Variants in SNX29 observed in about 807,000 individuals in gnomAD.
SNX29 encodes the protein sorting nexin-29.
SNX29 carries 78 observed loss-of-function variants against 102.1 expected under a neutral mutation model. That is an observed-to-expected ratio of 0.76 (90% CI 0.64 to 0.92). The LOEUF (loss-of-function observed/expected upper bound fraction) is 0.92, where lower values mean the gene tolerates loss of function less well. Ranked by LOEUF, SNX29 falls within the 40% of genes least tolerant of loss-of-function variation. The pLI is 0.00. For synonymous variants in SNX29, 580 were observed against 414.5 expected, an observed-to-expected ratio of 1.40 and a Z score of -4.85; for missense variants, 1,280 against 1,061.7, an observed-to-expected ratio of 1.21 and a Z score of -2.86.
chr16:12,382,298 G>A (rs975181484), intron 16 of SNX29, among the ~76,000 whole-genome samples: 3 of 152,194 alleles, frequency 2.0e-5, no homozygotes, highest in African/African-American at 7.2e-5. Context: ...TGTTAAGATA[G>A]CAGAGTCATG....
At chr16:12,495,754 G>C (rs2088788728) in intron 19 of SNX29, among the ~76,000 whole-genome samples, 1 of 152,164 alleles carries the variant, frequency 6.6e-6, no homozygotes, top group Admixed American at 6.5e-5. Context: ...GAATGTGAGA[G>C]ACAGAATGTC....
intron 13 of SNX29, among the ~76,000 whole-genome samples, chr16:12,174,277 A>G (rs373068412): frequency 6.6e-6 from 1 of 152,204 alleles, no homozygotes; most frequent in East Asian, 1.9e-4. Context: ...AGCTGTAGGA[A>G]TTATGATGTG....
intron 20 of SNX29, among the ~76,000 whole-genome samples, chr16:12,544,450 C>G (rs544344660): frequency 2.6e-5 from 4 of 152,276 alleles, no homozygotes; most frequent in African/African-American, 4.8e-5. Flanking sequence ...TTTCTCTACC[C>G]TATCTCATTC....
intron 14 of SNX29, among the ~76,000 whole-genome samples, chr16:12,239,724 G>A (rs979241328): frequency 3.3e-5 from 5 of 151,292 alleles, no homozygotes; most frequent in Non-Finnish European, 5.9e-5. Flanking sequence ...GGAGGCTGAG[G>A]CAGGAGGATT....
chr16:12,406,074 T>G (rs2084150451), intron 18 of SNX29, among the ~76,000 whole-genome samples: 1 of 151,738 alleles, frequency 6.6e-6, no homozygotes, highest in African/African-American at 2.4e-5. Context: ...CACAAAAGAT[T>G]TGACATAATT....
At chr16:12,130,954 C>G (rs2054439872) in intron 13 of SNX29, among the ~76,000 whole-genome samples, 1 of 151,962 alleles carries the variant, frequency 6.6e-6, no homozygotes, top group African/African-American at 2.4e-5. Flanking sequence ...AATAATGCCA[C>G]AGTGAACAAC....
At chr16:12,516,369 A>G (rs995896183) in intron 19 of SNX29, among the ~76,000 whole-genome samples, 2 of 151,910 alleles carry the variant, frequency 1.3e-5, no homozygotes, top group African/African-American at 4.8e-5. Flanking sequence ...AGTCCCAGCT[A>G]CACTGGAGGC....
chr16:12,351,368 A>G (rs2081987861), intron 15 of SNX29, among the ~76,000 whole-genome samples: 1 of 148,732 alleles, frequency 6.7e-6, no homozygotes, highest in East Asian at 1.9e-4. Context: ...ATAAAACGTA[A>G]CAGATTCTAA....
rs1597252630 is a variant in SNX29 at position 12,403,316 on chromosome 16, G to A, written c.1956-132G>A. On this transcript the variant is annotated intron_variant, in intron 17 of 20. Coordinates refer to ENST00000566228, the MANE Select transcript of SNX29 (RefSeq NM_032167.5). The stretch of plus-strand genomic sequence containing the variant: ...CCTTTAGCTTGCCATCAGGTGTGAT[G>A]TAAGTTGTCATAAATTGCTTGTGCA... The A allele has an allele frequency of 1.8e-5, 13 of 720,832 alleles. 1 individual carries two copies. In the East Asian group the frequency reaches 3.8e-4, roughly 21 times the overall value. The allele number at this position is 720,832 out of a possible 1,614,324, so 44.7% of individuals were successfully genotyped here. A position where few individuals can be genotyped will look rare whatever the true frequency, so the allele number is the denominator to read the frequency against.
intron 18 of SNX29, among the ~76,000 whole-genome samples, chr16:12,427,700 C>T (rs906026314): frequency 6.6e-6 from 1 of 152,224 alleles, no homozygotes; most frequent in South Asian, 2.1e-4. Flanking sequence ...GAGGAAGTCA[C>T]AGTGGGAAGA....
intron 16 of SNX29, among the ~76,000 whole-genome samples, chr16:12,371,234 C>G (rs968057054): frequency 2.0e-5 from 3 of 151,852 alleles, no homozygotes; most frequent in Non-Finnish European, 4.4e-5. Flanking sequence ...ACCAACCTTC[C>G]TTCCTTCCTT....
intron 11 of SNX29, chr16:12,087,261 G>C (rs2052247208): frequency 1.3e-5 from 2 of 158,432 alleles, no homozygotes; most frequent in African/African-American, 2.4e-5. Flanking sequence ...AGCTGGGTAT[G>C]GTGGTGGGTG....
intron 16 of SNX29, among the ~76,000 whole-genome samples, chr16:12,380,917 AC>A (rs2083091456): frequency 1.2e-5 from 1 of 82,738 alleles, no homozygotes; most frequent in African/African-American, 5.3e-5. Flanking sequence ...CCATCCATCC[AC>A]CCACCATCCA....
At chr16:12,472,506 G>A (rs1181746957) in intron 18 of SNX29, among the ~76,000 whole-genome samples, 2 of 130,916 alleles carry the variant, frequency 1.5e-5, no homozygotes, top group Non-Finnish European at 3.1e-5. Context: ...GTGACAGAGC[G>A]AGTCTAAATC....
intron 18 of SNX29, among the ~76,000 whole-genome samples, chr16:12,460,654 ACT>A (rs1466156912): frequency 1.4e-5 from 2 of 141,934 alleles, no homozygotes; most frequent in Non-Finnish European, 1.5e-5. Flanking sequence ...AAATGTGTGA[ACT>A]CTTTTTTTTT....
chr16:12,293,407 C>G (rs1336514998), intron 15 of SNX29, among the ~76,000 whole-genome samples: 1 of 152,192 alleles, frequency 6.6e-6, no homozygotes, highest in Non-Finnish European at 1.5e-5. Flanking sequence ...GACTGTGATC[C>G]TGCTTTCCTG....
At chr16:12,332,098 A>T (rs2081307018) in intron 15 of SNX29, among the ~76,000 whole-genome samples, 1 of 152,100 alleles carries the variant, frequency 6.6e-6, no homozygotes, top group African/African-American at 2.4e-5. Context: ...TTACAATGTG[A>T]GCATTACTTA....
At chr16:12,256,329 C>G (rs991442257) in intron 14 of SNX29, among the ~76,000 whole-genome samples, 1 of 152,174 alleles carries the variant, frequency 6.6e-6, no homozygotes, top group African/African-American at 2.4e-5. Context: ...TGTCTCTTCA[C>G]TCTGTTGATG....
intron 18 of SNX29, among the ~76,000 whole-genome samples, chr16:12,471,115 C>T (rs989054187): frequency 5.9e-5 from 9 of 152,206 alleles, no homozygotes; most frequent in African/African-American, 1.2e-4. Flanking sequence ...GGGCTAAAGA[C>T]GCCCGTTCCT....
Sources: gnomAD v4.1 joint callset for allele counts (sites outside exome capture counted in the v4.1 genomes callset) on GRCh38, gnomAD v4.1.1 for gene constraint, MANE v1.5 for transcripts, NCBI Gene and HGNC (gene_info 2026-07-23, HGNC 2026-07-21) for gene names.